Variants in RNF216 observed in about 807,000 individuals in gnomAD.
RNF216 encodes the protein ring finger protein 216.
In RNF216, 72 loss-of-function variants were observed where a neutral mutation model predicts 110.8. The observed-to-expected ratio is 0.65, with a 90% CI of 0.54 to 0.79. The LOEUF is 0.79. Ranked by LOEUF, RNF216 falls within the 30% of genes least tolerant of loss-of-function variation. The pLI is 0.00. For missense variants in RNF216, 1,342 were observed against 1,141.2 expected (o/e 1.18, Z -2.54); for synonymous variants, 495 against 407.5 (o/e 1.21, Z -2.59).
Position 5,759,951 on chromosome 7 carries a change from G to A in RNF216, c.67+1052C>T, listed in dbSNP as rs566348207. On this transcript the variant is annotated intron_variant, in intron 2 of 16. Coordinates refer to ENST00000389902, the MANE Select transcript of RNF216 (RefSeq NM_207111.4). ...TGGCCTGGGGGAGTCATTTTTGTAA[G>A]GTCAAATGTAATTTACTCTCTACTA... Among the ~76,000 whole-genome samples, 3 of 151,754 alleles carry A rather than the reference G, an allele frequency of 2.0e-5. No individual in the cohort carries two copies. In the South Asian group the frequency reaches 6.2e-4, roughly 32 times the overall value.
intron 5 of RNF216, among the ~76,000 whole-genome samples, chr7:5,736,903 G>A (rs575953059): frequency 1.3e-5 from 2 of 151,650 alleles, no homozygotes; most frequent in African/African-American, 4.8e-5. Flanking sequence ...CGTCCGGGAA[G>A]TGAGGAGCCC....
Position 5,735,721 on chromosome 7 carries a change from A to C in RNF216, c.1121+3555T>G, listed in dbSNP as rs147155325. Among the ~76,000 whole-genome samples, 96 of 152,308 alleles carry C rather than the reference A, an allele frequency of 6.3e-4. 1 individual carries two copies. In the East Asian group the frequency reaches 8.3e-3, roughly 13 times the overall value. On this transcript the variant is annotated intron_variant, in intron 5 of 16. Coordinates refer to ENST00000389902, the MANE Select transcript of RNF216 (RefSeq NM_207111.4). ...GCTACAAAATTTCCAGAACTGACCA[A>C]CACCACCAATCTATGGCCTGGTAGT...
At chr7:5,657,997 A>G (rs1562796965) in intron 13 of RNF216, among the ~76,000 whole-genome samples, 1 of 152,230 alleles carries the variant, frequency 6.6e-6, no homozygotes, top group Non-Finnish European at 1.5e-5. Context: ...AGAGAGTTAC[A>G]TATCGGGGCA....
At chr7:5,646,737 T>C (rs1269737213) in intron 14 of RNF216, among the ~76,000 whole-genome samples, 1 of 151,930 alleles carries the variant, frequency 6.6e-6, no homozygotes, top group African/African-American at 2.4e-5. Context: ...TATTCCTTGT[T>C]ATGTGTGGTC....
chr7:5,643,534 CTG>C (rs766818704), intron 14 of RNF216, among the ~76,000 whole-genome samples: 27 of 152,068 alleles, frequency 1.8e-4, no homozygotes, highest in Non-Finnish European at 3.1e-4. Context: ...CTGTAGTTAT[CTG>C]TGCTCACCAC....
At chr7:5,720,659 C>A (rs1271557208) in intron 9 of RNF216, among the ~76,000 whole-genome samples, 1 of 152,098 alleles carries the variant, frequency 6.6e-6, no homozygotes, top group Non-Finnish European at 1.5e-5. Context: ...CCAGGGATCT[C>A]TGGGTCACAC....
chr7:5,736,353 C>A (rs772171212), intron 5 of RNF216, among the ~76,000 whole-genome samples: 1 of 152,202 alleles, frequency 6.6e-6, no homozygotes, highest in South Asian at 2.1e-4. Flanking sequence ...AGCTCCTAAC[C>A]GGGACTGATC....
intron 15 of RNF216, among the ~76,000 whole-genome samples, chr7:5,638,970 C>T (rs563287054): frequency 1.6e-4 from 24 of 152,234 alleles, no homozygotes; most frequent in African/African-American, 5.5e-4. Context: ...TTTAAACTTC[C>T]TCTGTCCATT....
At chr7:5,655,474 T>C (rs1278060347) in intron 13 of RNF216, among the ~76,000 whole-genome samples, 2 of 152,116 alleles carry the variant, frequency 1.3e-5, no homozygotes, top group Non-Finnish European at 2.9e-5. Context: ...GGCAAATGCC[T>C]GTAATCCCAG....
At chr7:5,646,789 A>G (rs1210630239) in intron 14 of RNF216, among the ~76,000 whole-genome samples, 3 of 145,234 alleles carry the variant, frequency 2.1e-5, no homozygotes, top group Non-Finnish European at 3.0e-5. Flanking sequence ...CAATGCCAGG[A>G]AAAAAAAAAA....
intron 8 of RNF216, among the ~76,000 whole-genome samples, chr7:5,724,817 A>G (rs1408819701): frequency 6.6e-6 from 1 of 152,164 alleles, no homozygotes; most frequent in Non-Finnish European, 1.5e-5. Context: ...ATAACACTCA[A>G]GTTTACATTT....
intron 16 of RNF216, 151 bp downstream of exon 16, chr7:5,623,905 G>GC (rs904685424): frequency 2.2e-5 from 14 of 626,364 alleles, no homozygotes; most frequent in Non-Finnish European, 3.6e-5. Flanking sequence ...AGATGTGGCC[G>GC]CGTGGGTGAA....
At chr7:5,719,574 G>A (rs973810453) in intron 9 of RNF216, among the ~76,000 whole-genome samples, 9 of 152,038 alleles carry the variant, frequency 5.9e-5, no homozygotes, top group Non-Finnish European at 1.0e-4. Flanking sequence ...ATATCACCAA[G>A]AATAAAAGAC....
chr7:5,641,418 A>T, intron 14 of RNF216, 42 bp from the exon 15 acceptor site: 1 of 1,527,718 alleles, frequency 6.5e-7, no homozygotes, highest in Non-Finnish European at 9.0e-7. Flanking sequence ...AGGGAAGATG[A>T]GGAGGAAAAA....
At chr7:5,670,201 T>C (rs528284757) in intron 13 of RNF216, among the ~76,000 whole-genome samples, 12 of 152,256 alleles carry the variant, frequency 7.9e-5, no homozygotes, top group Admixed American at 3.9e-4. Flanking sequence ...CCCAAAGTGC[T>C]GGAATTACAG....
Position 5,641,164 on chromosome 7 carries a change from G to A in RNF216, c.2372C>T (p.Thr791Ile). 6.2e-7 allele frequency: 1 copy of A among 1,612,982 alleles called. No homozygotes were observed. The highest frequency in any genetic ancestry group is 8.5e-7 in the Non-Finnish European group (1 of 1,179,120). Reference protein sequence around the residue: ...CQECSRCSLWTDPTEDDEKLI... With the variant: ...CQECSRCSLWIDPTEDDEKLI... ...CATGTGTCTACTTACAGTGGGATCG[G>A]TCCAGAGAGAGCATCTTGAACACTC... The change falls in exon 15 of 17, where the codon ACC becomes ATC. Residue 791 changes from threonine (T) to isoleucine (I), a missense_variant. Thr to Ile is a moderately conservative substitution (Grantham distance 89). Coordinates refer to ENST00000389902, the MANE Select transcript of RNF216 (RefSeq NM_207111.4).
At chr7:5,731,756 C>T (rs1203669079) in intron 5 of RNF216, among the ~76,000 whole-genome samples, 2 of 151,320 alleles carry the variant, frequency 1.3e-5, no homozygotes, top group African/African-American at 2.5e-5. Context: ...AGTTCTCACA[C>T]ACTTCCCTTT....
intron 15 of RNF216, among the ~76,000 whole-genome samples, chr7:5,632,435 G>A (rs1787128925): frequency 6.6e-6 from 1 of 152,208 alleles, no homozygotes; most frequent in African/African-American, 2.4e-5. Flanking sequence ...GATGAGCAAG[G>A]CCAGGCTGAG....
In RNF216 at chr7:5,768,585, A is replaced by T. The variant is rs573216453; in HGVS notation, c.-69-7447T>A. On this transcript the variant is annotated intron_variant, in intron 1 of 16. Coordinates refer to ENST00000389902, the MANE Select transcript of RNF216 (RefSeq NM_207111.4). ...TGCCGTAACAAATTTTGAAGGCTTG[A>T]AATCACACAGCATGTTCTCTGACAA... Among the ~76,000 whole-genome samples, 10 of 152,274 alleles carry T rather than the reference A, an allele frequency of 6.6e-5. No individual in the cohort carries two copies. In the South Asian group the frequency reaches 2.1e-3, roughly 32 times the overall value.
Sources: allele counts gnomAD v4.1 joint callset (sites outside exome capture counted in the v4.1 genomes callset), GRCh38; gene constraint gnomAD v4.1.1; transcripts MANE v1.5; gene names NCBI Gene and HGNC (gene_info 2026-07-23, HGNC 2026-07-21).